The following SESN2 variants were observed in gnomAD, a reference collection of about 807,000 sequenced individuals.
SESN2 encodes sestrin 2, also known as sestrin-2.
SESN2 carries 42 observed loss-of-function variants against 56.0 expected under a neutral mutation model. The ratio of observed to expected loss-of-function variants is 0.75; its 90% confidence interval spans 0.59 to 0.97. The LOEUF (loss-of-function observed/expected upper bound fraction) is 0.97, where lower values mean the gene tolerates loss of function less well. Among genes scored for constraint, SESN2 ranks in the 50% least tolerant of loss-of-function variants. The probability of loss-of-function intolerance (pLI) is 0.00; values close to 1 mark genes in which losing one functional copy is unlikely to be tolerated. For missense variants in SESN2, 507 were observed against 649.4 expected (o/e 0.78, Z 2.38); for synonymous variants, 264 against 267.1 (o/e 0.99, Z 0.11).
At chr1:28,261,949 T>G (rs1008566832) in intron 1 of SESN2, among the ~76,000 whole-genome samples, 1 of 151,934 alleles carries the variant, frequency 6.6e-6, no homozygotes, top group African/African-American at 2.4e-5. Context: ...CCCAGCTAAT[T>G]TTTGTATTTT....
In SESN2 at chr1:28,272,566, C is replaced by A. The variant is rs377521759; in HGVS notation, c.538-15C>A. On this transcript the variant is annotated splice_polypyrimidine_tract_variant and intron_variant, in intron 4 of 9. Transcript: ENST00000253063. ...GGCACTGAGCAGCTCTGACCTCCCC[C>A]CTTGTCCCTTCCAGGCCTTGCTGAA... The A allele has an allele frequency of 2.5e-6, 4 of 1,613,644 alleles. No individual in the cohort carries two copies. Among genetic ancestry groups the A allele is most frequent in the Non-Finnish European group, 3.4e-6 (4 of 1,179,812 alleles).
Position 28,273,409 on chromosome 1 carries a change from C to G in SESN2, c.802C>G (p.Leu268Val). 1.2e-6 allele frequency: 2 copies of G among 1,610,930 alleles called. No individual in the cohort carries two copies. Among genetic ancestry groups the G allele is most frequent in the Middle Eastern group, 2.1e-4 (1 of 4,742 alleles). Residue 268 changes from leucine (L) to valine (V), a missense_variant, in exon 6 of 10, where the codon CTG becomes GTG. Physicochemically the swap from Leu to Val is conservative, Grantham distance 32. Transcript: ENST00000253063. ...GGCGCTGATGGAGCGCATGCAGCAG[C>G]TGCAGGAGAGCCTGCTGCGGGATGA... ...VEALMERMQQ[L>V]QESLLRDEGT...
chr1:28,276,601 CAG>C (rs1455710307), intron 8 of SESN2, among the ~76,000 whole-genome samples: 3 of 52,262 alleles, frequency 5.7e-5, no homozygotes, highest in East Asian at 6.7e-4. Flanking sequence ...TTTTTTGAGA[CAG>C]AGTTTCAATC....
rs1035502565 is a variant in SESN2 at position 28,272,272 on chromosome 1, C to A, written c.355-12C>A. ...AGGAGGGTGACTCAGGCTGTGTCCACTACCTCCGCAGGCTGCCGCCCGCCA... is the reference window on the plus strand; with the variant it reads ...AGGAGGGTGACTCAGGCTGTGTCCAATACCTCCGCAGGCTGCCGCCCGCCA... On this transcript the variant is annotated splice_polypyrimidine_tract_variant and intron_variant, in intron 3 of 9. Transcript: ENST00000253063. The A allele has an allele frequency of 6.2e-7, 1 of 1,612,990 alleles. No individual in the cohort carries two copies. The highest frequency in any genetic ancestry group is 1.3e-5 in the African/African-American group (1 of 74,900).
intron 3 of SESN2, 102 bp downstream of exon 3, chr1:28,271,973 C>A: frequency 3.5e-6 from 4 of 1,157,028 alleles, no homozygotes; most frequent in Middle Eastern, 2.0e-4. Context: ...CATAGACAAG[C>A]AGGGAAAGCC....
intron 3 of SESN2, 51 bp from the exon 4 acceptor site, chr1:28,272,233 C>A: frequency 6.3e-7 from 1 of 1,589,290 alleles, no homozygotes; most frequent in Non-Finnish European, 8.6e-7. Context: ...CCACCCTGAG[C>A]CAGGCACAAA....
chr1:28,268,925 AC>A (rs1053288710), intron 1 of SESN2, among the ~76,000 whole-genome samples: 1 of 151,862 alleles, frequency 6.6e-6, no homozygotes, highest in African/African-American at 2.4e-5. Flanking sequence ...CTTTTCCAGG[AC>A]CCTCCCATCC....
At chr1:28,275,086 C>A in intron 8 of SESN2, 71 bp downstream of exon 8, 1 of 1,147,826 alleles carries the variant, frequency 8.7e-7, no homozygotes, top group Non-Finnish European at 1.2e-6. Flanking sequence ...CAGTTGTTTC[C>A]ATTTTCTTTT....
intron 9 of SESN2, among the ~76,000 whole-genome samples, chr1:28,280,181 C>T (rs1648184391): frequency 6.6e-6 from 1 of 152,150 alleles, no homozygotes; most frequent in African/African-American, 2.4e-5. Flanking sequence ...CCTCTCACCT[C>T]AGCCTCCCAA....
chr1:28,279,181 A>G lies in SESN2; in HGVS notation c.1296A>G (p.Pro432=). ...KVYIKTVACY[P]EKTTRRMYNL... ...ATATCAAGACAGTGGCCTGCTACCC[A>G]GAGAAGACCACCCGAAGAATGTACA... Residue 432 remains proline (P), a synonymous_variant, in exon 9 of 10, where the codon CCA becomes CCG. Transcript: ENST00000253063. The G allele has an allele frequency of 6.2e-7, 1 of 1,614,202 alleles. No homozygotes were observed. Among genetic ancestry groups the G allele is most frequent in the Non-Finnish European group, 8.5e-7 (1 of 1,180,022 alleles).
rs774059604 is a variant in SESN2, at chr1:28,271,739, G to A, written c.222G>A (p.Gly74=). 4.3e-6 allele frequency: 7 copies of A among 1,614,088 alleles called. No individual in the cohort carries two copies. The highest frequency in any genetic ancestry group is 5.9e-6 in the Non-Finnish European group (7 of 1,180,048). ...GGCTGGAGGCACTGATGTCCTCTGG[G>A]CGAGTAGACAACCTGGCAGTGGTGA... ...HLGLEALMSS[G]RVDNLAVVMG... The change falls in exon 3 of 10, where the codon GGG becomes GGA. Residue 74 remains glycine, a synonymous_variant. Transcript: ENST00000253063.
intron 7 of SESN2, 51 bp downstream of exon 7, chr1:28,274,209 C>A: frequency 8.5e-7 from 1 of 1,183,038 alleles, no homozygotes; most frequent in Non-Finnish European, 1.3e-6. Context: ...TACGAACAAG[C>A]AGTGGGTGGA....
At position 28,273,412 on chromosome 1, in the gene SESN2, C is replaced by T; in HGVS notation, c.805C>T (p.Gln269Ter). 1 of 1,611,114 alleles carries T rather than the reference C, an allele frequency of 6.2e-7. No individual in the cohort carries two copies. Among genetic ancestry groups the T allele is most frequent in the Non-Finnish European group, 8.5e-7 (1 of 1,179,208 alleles). Residue 269 changes from glutamine (Q) to a stop codon, truncating the protein, a stop_gained, in exon 6 of 10, where the codon CAG becomes TAG. Transcript: ENST00000253063. LOFTEE classifies it high-confidence loss of function. ...EALMERMQQL[Q>*]ESLLRDEGTS... is the part of the protein sequence containing the mutation. ...GCTGATGGAGCGCATGCAGCAGCTG[C>T]AGGAGAGCCTGCTGCGGGATGAGGG...
At chr1:28,275,587 A>G (rs1033006739) in intron 8 of SESN2, among the ~76,000 whole-genome samples, 20 of 150,946 alleles carry the variant, frequency 1.3e-4, no homozygotes, top group African/African-American at 4.2e-4. Flanking sequence ...ACCCCGTTCT[A>G]CTAAAAATAA....
chr1:28,265,415 C>T (rs181349156), intron 1 of SESN2, among the ~76,000 whole-genome samples: 107 of 152,174 alleles, frequency 7.0e-4, no homozygotes, highest in Admixed American at 5.0e-3. Flanking sequence ...TGTTTTGAGA[C>T]GGAGTTTCAC....
At chr1:28,271,033 A>G (rs550223395) in intron 2 of SESN2, among the ~76,000 whole-genome samples, 8 of 152,320 alleles carry the variant, frequency 5.3e-5, no homozygotes, top group South Asian at 2.1e-4. Context: ...AAAAAAAGTT[A>G]AAAAGAAATA....
Position 28,278,785 on chromosome 1 carries a change from T to C in SESN2, c.1212-312T>C, listed in dbSNP as rs113041783. 5.6e-3 allele frequency among the ~76,000 whole-genome samples: 858 copies of C among 152,362 alleles called. 11 individuals carry two copies. The highest frequency in any genetic ancestry group is 0.018 in the African/African-American group (761 of 41,590). ...ATCTATAACATGGGGTTGATGAATG[T>C]AGCAGATTGCATACACCATCCAGTC... On this transcript the variant is annotated intron_variant, in intron 8 of 9. Coordinates refer to ENST00000253063, the MANE Select transcript of SESN2 (RefSeq NM_031459.5).
chr1:28,267,028 G>T (rs1647582017), intron 1 of SESN2, among the ~76,000 whole-genome samples: 1 of 152,154 alleles, frequency 6.6e-6, no homozygotes, highest in Non-Finnish European at 1.5e-5. Context: ...CTGATGGGCC[G>T]TCTCTGCCTC....
chr1:28,266,259 G>A (rs1378724073), intron 1 of SESN2, among the ~76,000 whole-genome samples: 1 of 152,174 alleles, frequency 6.6e-6, no homozygotes, highest in Non-Finnish European at 1.5e-5. Flanking sequence ...TGGGACCTTG[G>A]CATTGTTATT....
Sources: allele counts gnomAD v4.1 joint callset (sites outside exome capture counted in the v4.1 genomes callset), GRCh38; gene constraint gnomAD v4.1.1; transcripts MANE v1.5; gene names NCBI Gene and HGNC (gene_info 2026-07-23, HGNC 2026-07-21).